CA10: variants seen among roughly 807,000 people sequenced by gnomAD.
CA10 encodes the protein carbonic anhydrase 10 (inactive).
In CA10, 14 loss-of-function variants were observed where a neutral mutation model predicts 44.2. The observed-to-expected ratio is 0.32, with a 90% CI of 0.21 to 0.50. The LOEUF (loss-of-function observed/expected upper bound fraction) is 0.50. CA10 is among the 20% of genes least tolerant of loss of function. The pLI is 0.99. For synonymous variants in CA10, 159 were observed against 141.6 expected (o/e 1.12, Z -0.87); for missense variants, 350 against 409.7 (o/e 0.85, Z 1.26).
rs537895584 is a variant in CA10, at chr17:51,916,619, T to C, written c.279+14371A>G. 2.6e-5 allele frequency among the ~76,000 whole-genome samples: 4 copies of C among 152,298 alleles called. No homozygotes were observed. In the East Asian group the frequency reaches 5.8e-4, roughly 22 times the overall value. On this transcript the variant is annotated intron_variant, in intron 3 of 8. Transcript: ENST00000451037. ...CATGATTGTGAGGCCTCCCCAGCCA[T>C]GTGGAACTGTAGGTCCATTGAACCT...
intron 3 of CA10, among the ~76,000 whole-genome samples, chr17:51,858,030 A>G (rs1261393384): frequency 2.0e-5 from 3 of 152,138 alleles, no homozygotes; most frequent in Non-Finnish European, 4.4e-5. Flanking sequence ...CTTAATATTT[A>G]TAACTGTGAC....
At chr17:51,635,384 G>A (rs1463019596) in intron 7 of CA10, among the ~76,000 whole-genome samples, 3 of 152,070 alleles carry the variant, frequency 2.0e-5, no homozygotes, top group East Asian at 1.9e-4. Context: ...GTGGTGGCAC[G>A]TGTCTGTAAT....
chr17:52,070,349 CCAA>C (rs66976574), intron 2 of CA10: 149,469 of 152,242 alleles, frequency 0.98, 73,419 homozygotes, highest in East Asian at 1. Flanking sequence ...CAAGCAGATA[CCAA>C]CAACAATTGA....
chr17:51,841,237 G>A (rs989751842), intron 3 of CA10, among the ~76,000 whole-genome samples: 11 of 152,062 alleles, frequency 7.2e-5, no homozygotes, highest in Admixed American at 3.9e-4. Flanking sequence ...TCTTCAGTCC[G>A]CATGTCATTC....
chr17:52,101,661 G>C (rs1038640294), intron 1 of CA10, among the ~76,000 whole-genome samples: 1 of 152,140 alleles, frequency 6.6e-6, no homozygotes, highest in Non-Finnish European at 1.5e-5. Flanking sequence ...AAAGTCTCTA[G>C]GTAGAGATTT....
intron 1 of CA10, among the ~76,000 whole-genome samples, chr17:52,112,121 A>G (rs974720723): frequency 2.0e-5 from 3 of 152,128 alleles, no homozygotes; most frequent in Non-Finnish European, 2.9e-5. Context: ...AAGTGGACCT[A>G]CTGCCCCAAT....
At chr17:51,865,442 A>G (rs1391737288) in intron 3 of CA10, among the ~76,000 whole-genome samples, 13 of 151,828 alleles carry the variant, frequency 8.6e-5, no homozygotes, top group Non-Finnish European at 1.9e-4. Flanking sequence ...AATGTCTAAG[A>G]CTCCTCTTGG....
intron 3 of CA10, among the ~76,000 whole-genome samples, chr17:51,792,533 A>G (rs144465833): frequency 2.2e-3 from 335 of 152,368 alleles, no homozygotes; most frequent in African/African-American, 7.8e-3. Context: ...ATTAAGCTTC[A>G]TGTAGAAGCC....
chr17:51,908,056 G>A (rs1407656187), intron 3 of CA10, among the ~76,000 whole-genome samples: 1 of 152,144 alleles, frequency 6.6e-6, no homozygotes, highest in Non-Finnish European at 1.5e-5. Flanking sequence ...TAGAAGGGCT[G>A]GGATCAGACC....
At chr17:51,842,360 C>T (rs946701067) in intron 3 of CA10, among the ~76,000 whole-genome samples, 1 of 152,094 alleles carries the variant, frequency 6.6e-6, no homozygotes, top group Non-Finnish European at 1.5e-5. Flanking sequence ...TGGCGTGACA[C>T]AATTATAGAG....
At chr17:51,664,134 T>C (rs1201103852) in intron 4 of CA10, among the ~76,000 whole-genome samples, 2 of 152,208 alleles carry the variant, frequency 1.3e-5, no homozygotes, top group African/African-American at 2.4e-5. Flanking sequence ...CGCTTTGTTT[T>C]AATTATTGTA....
At chr17:51,692,236 GTT>G (rs34052168) in intron 4 of CA10, among the ~76,000 whole-genome samples, 8,704 of 128,184 alleles carry the variant, frequency 0.068, 362 homozygotes, top group African/African-American at 0.12. Flanking sequence ...TATTCTTAGG[GTT>G]TTTTTTTTTT....
intron 3 of CA10, among the ~76,000 whole-genome samples, chr17:51,908,727 TTCAGA>T (rs1981667059): frequency 6.6e-6 from 1 of 152,150 alleles, no homozygotes; most frequent in Admixed American, 6.6e-5. Context: ...AAAAAGCCAG[TTCAGA>T]TAAGGAATGA....
intron 5 of CA10, among the ~76,000 whole-genome samples, chr17:51,652,270 T>G (rs969291949): frequency 6.6e-6 from 1 of 152,324 alleles, no homozygotes; most frequent in Non-Finnish European, 1.5e-5. Flanking sequence ...TCTGAGTTTA[T>G]TACTAAACAA....
intron 1 of CA10, among the ~76,000 whole-genome samples, chr17:52,090,016 A>G (rs1988218121): frequency 6.6e-6 from 1 of 152,176 alleles, no homozygotes; most frequent in Non-Finnish European, 1.5e-5. Flanking sequence ...TTTTTCCAGT[A>G]TGCTTAAAAG....
chr17:51,932,061 T>A (rs969325430), intron 2 of CA10, among the ~76,000 whole-genome samples: 5 of 152,066 alleles, frequency 3.3e-5, no homozygotes, highest in Non-Finnish European at 7.4e-5. Context: ...CCATAGTACA[T>A]GCAGTGAACT....
intron 4 of CA10, among the ~76,000 whole-genome samples, chr17:51,731,231 G>A (rs1325890185): frequency 1.3e-5 from 2 of 152,192 alleles, no homozygotes; most frequent in Non-Finnish European, 2.9e-5. Context: ...ACAAAAATTA[G>A]CTGGGCATGG....
intron 3 of CA10, among the ~76,000 whole-genome samples, chr17:51,855,789 A>G (rs555831897): frequency 2.0e-5 from 3 of 152,372 alleles, no homozygotes; most frequent in Non-Finnish European, 4.4e-5. Context: ...AATTCCTTAA[A>G]TGAATTCTTA....
chr17:51,840,162 G>A (rs1013534667), intron 3 of CA10, among the ~76,000 whole-genome samples: 11 of 152,168 alleles, frequency 7.2e-5, no homozygotes, highest in African/African-American at 2.4e-4. Context: ...TAATGATAGT[G>A]CCCACCTCAC....
Sources: gnomAD v4.1 joint callset for allele counts (sites outside exome capture counted in the v4.1 genomes callset) on GRCh38, gnomAD v4.1.1 for gene constraint, MANE v1.5 for transcripts, NCBI Gene and HGNC (gene_info 2026-07-23, HGNC 2026-07-21) for gene names.